Variants in GRID2 observed in about 807,000 individuals in gnomAD.
The protein encoded by GRID2 is glutamate ionotropic receptor delta type subunit 2, also known as glutamate receptor ionotropic, delta-2.
A neutral mutation model predicts 114.8 loss-of-function variants in GRID2; 33 were observed. The ratio of observed to expected loss-of-function variants is 0.29; its 90% CI spans 0.22 to 0.38. GRID2 has a LOEUF of 0.38. Among genes scored for constraint, GRID2 ranks in the 10% least tolerant of loss-of-function variants. The pLI, the probability that GRID2 is intolerant of heterozygous loss-of-function variation, is 1.00. For synonymous variants in GRID2, 505 were observed against 449.9 expected (o/e 1.12, Z -1.55); for missense variants, 1,184 against 1,257.7 (o/e 0.94, Z 0.89).
At chr4:93,173,090 T>C (rs1382348237) in intron 4 of GRID2, among the ~76,000 whole-genome samples, 2 of 152,158 alleles carry the variant, frequency 1.3e-5, no homozygotes, top group African/African-American at 4.8e-5. Flanking sequence ...GGAAATTGTA[T>C]TGCCTTAAAA....
chr4:93,182,946 A>G (rs1740036079), intron 4 of GRID2, among the ~76,000 whole-genome samples: 2 of 152,174 alleles, frequency 1.3e-5, no homozygotes, highest in African/African-American at 2.4e-5. Flanking sequence ...GCGCCCTACA[A>G]TTTATGTTTG....
chr4:93,358,440 G>C (rs957773454), intron 8 of GRID2, among the ~76,000 whole-genome samples: 1 of 151,774 alleles, frequency 6.6e-6, no homozygotes, highest in African/African-American at 2.4e-5. Flanking sequence ...ATATACCAAA[G>C]AGAACATAGC....
chr4:92,767,921 A>G lies in GRID2; in HGVS notation c.244+177635A>G, dbSNP rs1180536756. Among the ~76,000 whole-genome samples, 54 of 152,078 alleles carry G rather than the reference A, an allele frequency of 3.6e-4. 1 individual carries two copies. The highest frequency in any genetic ancestry group is 3.5e-3 in the Admixed American group (54 of 15,268). On this transcript the variant is annotated intron_variant, in intron 2 of 15. Transcript: ENST00000282020. ...AACATAGTGAGCCATCATCTCAAAA[A>G]AAAAAAAAAAATTTAATAGTGCCTG...
At chr4:92,944,595 G>T (rs1316160479) in intron 2 of GRID2, among the ~76,000 whole-genome samples, 1 of 152,178 alleles carries the variant, frequency 6.6e-6, no homozygotes, top group African/African-American at 2.4e-5. Flanking sequence ...ACTCCCCAGG[G>T]AGATGAACCT....
chr4:93,341,378 G>T (rs956006103), intron 8 of GRID2, among the ~76,000 whole-genome samples: 2 of 151,310 alleles, frequency 1.3e-5, no homozygotes, highest in African/African-American at 2.4e-5. Context: ...AGGCTGGAGC[G>T]CAGTGGTGCA....
At chr4:92,525,014 G>A (rs955761996) in intron 1 of GRID2, among the ~76,000 whole-genome samples, 14 of 151,938 alleles carry the variant, frequency 9.2e-5, no homozygotes, top group Non-Finnish European at 1.9e-4. Flanking sequence ...GATGAATAAT[G>A]TGATAATGAG....
chr4:93,073,348 C>T (rs1728977202), intron 2 of GRID2, among the ~76,000 whole-genome samples: 1 of 152,120 alleles, frequency 6.6e-6, no homozygotes, highest in South Asian at 2.1e-4. Context: ...AGATATAGTA[C>T]AGTACTGTAA....
chr4:92,709,572 G>GAA (rs767320278), intron 2 of GRID2, among the ~76,000 whole-genome samples: 2,974 of 100,438 alleles, frequency 0.03, 64 homozygotes, highest in Non-Finnish European at 0.038. Flanking sequence ...ATAGTGTAGA[G>GAA]AAAAAAAAAA....
Position 93,647,713 on chromosome 4 carries a change from C to T in GRID2, c.2360+21278C>T, listed in dbSNP as rs746509448. Among the ~76,000 whole-genome samples, 102 of 152,248 alleles carry T rather than the reference C, an allele frequency of 6.7e-4. No homozygotes were observed. The Middle Eastern group carries it at 0.01, about 15-fold the overall frequency. On this transcript the variant is annotated intron_variant, in intron 14 of 15. Transcript: ENST00000282020. Reference sequence around the variant, plus strand: ...TATACTGATGGCTTAGACTGTGTACCTAATGGGATGGAAGAAATGTTGGAA... The same window carrying T: ...TATACTGATGGCTTAGACTGTGTACTTAATGGGATGGAAGAAATGTTGGAA...
chr4:93,635,296 T>C (rs965514615), intron 14 of GRID2, among the ~76,000 whole-genome samples: 3 of 150,902 alleles, frequency 2.0e-5, no homozygotes, highest in Non-Finnish European at 4.4e-5. Context: ...GGGCAGATAA[T>C]TAAGAAAGGA....
intron 2 of GRID2, among the ~76,000 whole-genome samples, chr4:93,028,664 A>G (rs1050447840): frequency 6.6e-6 from 1 of 152,126 alleles, no homozygotes; most frequent in Non-Finnish European, 1.5e-5. Context: ...ATCAAACCAC[A>G]GTAATTAGTA....
At chr4:93,521,603 T>C (rs1351957407) in intron 13 of GRID2, among the ~76,000 whole-genome samples, 1 of 151,632 alleles carries the variant, frequency 6.6e-6, no homozygotes, top group Non-Finnish European at 1.5e-5. Flanking sequence ...ACAGGCCTGG[T>C]AGAGTAGAAG....
chr4:93,673,330 A>G (rs1452331892), intron 14 of GRID2, among the ~76,000 whole-genome samples: 4 of 152,180 alleles, frequency 2.6e-5, no homozygotes, highest in Non-Finnish European at 5.9e-5. Context: ...TTTTAAAAAA[A>G]TTATTTTAAT....
At chr4:92,570,449 G>T (rs995790542) in intron 1 of GRID2, among the ~76,000 whole-genome samples, 15 of 152,004 alleles carry the variant, frequency 9.9e-5, no homozygotes, top group African/African-American at 3.6e-4. Context: ...GCTCTTTTTG[G>T]CTCCATAAGA....
intron 8 of GRID2, among the ~76,000 whole-genome samples, chr4:93,395,257 T>C (rs1765220315): frequency 6.6e-6 from 1 of 151,906 alleles, no homozygotes; most frequent in Non-Finnish European, 1.5e-5. Context: ...CTTACAGTAA[T>C]TGATATATTA....
At chr4:93,770,198 C>T (rs1033467714) in intron 15 of GRID2, among the ~76,000 whole-genome samples, 7 of 152,092 alleles carry the variant, frequency 4.6e-5, no homozygotes, top group African/African-American at 1.7e-4. Flanking sequence ...ATCTTATTTC[C>T]ATTGGACTAA....
chr4:92,725,773 T>C (rs986076619), intron 2 of GRID2, among the ~76,000 whole-genome samples: 1 of 152,148 alleles, frequency 6.6e-6, no homozygotes, highest in African/African-American at 2.4e-5. Flanking sequence ...TGCTGAAAGC[T>C]TTAAAAAATG....
intron 1 of GRID2, among the ~76,000 whole-genome samples, chr4:92,473,508 A>G (rs1202399561): frequency 3.9e-5 from 6 of 152,110 alleles, no homozygotes; most frequent in East Asian, 1.9e-4. Flanking sequence ...TCTTAACAGG[A>G]AAGTATTCAA....
At chr4:92,585,131 G>T (rs925485233) in intron 1 of GRID2, among the ~76,000 whole-genome samples, 1 of 151,968 alleles carries the variant, frequency 6.6e-6, no homozygotes, top group Non-Finnish European at 1.5e-5. Context: ...GTTTAGGAAA[G>T]ATTGGTTTGA....
Sources: allele counts gnomAD v4.1 joint callset (sites outside exome capture counted in the v4.1 genomes callset), GRCh38; gene constraint gnomAD v4.1.1; transcripts MANE v1.5; gene names NCBI Gene and HGNC (gene_info 2026-07-23, HGNC 2026-07-21).